The following RNLS variants were observed in gnomAD, a reference collection of about 807,000 sequenced individuals.
RNLS encodes renalase, FAD dependent amine oxidase.
A neutral mutation model predicts 39.8 loss-of-function variants in RNLS; 39 were observed. The observed-to-expected ratio is 0.98, with a 90% CI of 0.76 to 1.28. RNLS has a LOEUF of 1.28. Among genes scored for constraint, RNLS ranks in the 50% most tolerant of loss-of-function variants. The probability of loss-of-function intolerance (pLI) is 0.00; values close to 1 mark genes in which losing one functional copy is unlikely to be tolerated. For missense variants in RNLS, 410 were observed against 413.3 expected, an observed-to-expected ratio of 0.99 and a Z score of 0.07; for synonymous variants, 147 against 150.7, an observed-to-expected ratio of 0.98 and a Z score of 0.18.
intron 4 of RNLS, among the ~76,000 whole-genome samples, chr10:88,387,475 G>A (rs1169912016): frequency 1.7e-5 from 2 of 116,178 alleles, no homozygotes; most frequent in Non-Finnish European, 1.7e-5. Context: ...GAAGAAGCAC[G>A]CAAGAAGAAA....
chr10:88,347,918 GAA>G (rs1848416885), intron 5 of RNLS, among the ~76,000 whole-genome samples: 1 of 152,032 alleles, frequency 6.6e-6, no homozygotes, highest in African/African-American at 2.4e-5. Context: ...CTCCCCAGAA[GAA>G]AGAATAATCC....
chr10:88,574,537 C>T (rs956292181), intron 3 of RNLS, among the ~76,000 whole-genome samples: 2 of 152,192 alleles, frequency 1.3e-5, no homozygotes, highest in African/African-American at 2.4e-5. Flanking sequence ...TGTAATAATA[C>T]TCAAGGCTCC....
chr10:88,325,566 G>A (rs564457201), intron 5 of RNLS, among the ~76,000 whole-genome samples: 35 of 152,150 alleles, frequency 2.3e-4, no homozygotes, highest in Non-Finnish European at 4.3e-4. Flanking sequence ...CATTTGTTTT[G>A]AAGTAAGCAC....
intron 4 of RNLS, among the ~76,000 whole-genome samples, chr10:88,570,264 G>T (rs1849748601): frequency 6.6e-6 from 1 of 152,106 alleles, no homozygotes; most frequent in South Asian, 2.1e-4. Flanking sequence ...TGTCAATATA[G>T]AGTTTTTCTT....
chr10:88,401,595 C>T (rs763095890), intron 4 of RNLS, among the ~76,000 whole-genome samples: 1 of 151,946 alleles, frequency 6.6e-6, no homozygotes, highest in Admixed American at 6.6e-5. Context: ...AGTTTTATGG[C>T]TAAGGACTTG....
chr10:88,323,545 AG>A (rs1348744525), intron 5 of RNLS, among the ~76,000 whole-genome samples: 1 of 152,208 alleles, frequency 6.6e-6, no homozygotes, highest in Non-Finnish European at 1.5e-5. Context: ...AAAACTGGCT[AG>A]GGATACGCAG....
At chr10:88,370,386 G>A (rs945833189) in intron 4 of RNLS, among the ~76,000 whole-genome samples, 2 of 152,034 alleles carry the variant, frequency 1.3e-5, no homozygotes, top group Admixed American at 1.3e-4. Context: ...TGCTCACATT[G>A]ATACTTGGTG....
At chr10:88,437,754 C>CA (rs1383285154) in intron 4 of RNLS, among the ~76,000 whole-genome samples, 1 of 152,140 alleles carries the variant, frequency 6.6e-6, no homozygotes, top group East Asian at 1.9e-4. Flanking sequence ...TGAATGCCCC[C>CA]AAGGTCCAAT....
chr10:88,279,075 C>T (rs1022823236), intron 6 of RNLS, among the ~76,000 whole-genome samples: 1 of 152,130 alleles, frequency 6.6e-6, no homozygotes, highest in African/African-American at 2.4e-5. Context: ...GAGGCTAGAT[C>T]GGCTGGGGGA....
intron 4 of RNLS, among the ~76,000 whole-genome samples, chr10:88,394,883 G>GAATCTACA: frequency 6.6e-6 from 1 of 152,166 alleles, no homozygotes; most frequent in Non-Finnish European, 1.5e-5. Context: ...ATGAGTTCAT[G>GAATCTACA]TCCTTTGTAG....
chr10:88,382,090 G>T (rs1851552522), intron 4 of RNLS, among the ~76,000 whole-genome samples: 1 of 152,034 alleles, frequency 6.6e-6, no homozygotes, highest in African/African-American at 2.4e-5. Context: ...TTGCTTTGCA[G>T]TGCTGCTGGG....
chr10:88,497,162 G>C (rs1316096859), intron 4 of RNLS, among the ~76,000 whole-genome samples: 6 of 152,002 alleles, frequency 3.9e-5, no homozygotes, highest in Non-Finnish European at 8.8e-5. Flanking sequence ...AGTTGTTTTG[G>C]AAGACAAACG....
chr10:88,557,590 A>T (rs766196549), intron 4 of RNLS, among the ~76,000 whole-genome samples: 7 of 152,184 alleles, frequency 4.6e-5, no homozygotes, highest in Non-Finnish European at 8.8e-5. Flanking sequence ...TATCCAGTGA[A>T]GAATGCCAGT....
the RNLS span, among the ~76,000 whole-genome samples, chr10:88,233,282 G>T: frequency 1.3e-5 from 2 of 152,214 alleles, no homozygotes; most frequent in African/African-American, 2.4e-5. Flanking sequence ...TCCCCAGCTG[G>T]TTAAGGGGGA....
intron 6 of RNLS, 30 bp downstream of exon 6, chr10:88,314,436 T>C: frequency 6.2e-7 from 1 of 1,608,036 alleles, no homozygotes. Context: ...AGAAAATTGT[T>C]GTGCTTAGAC....
chr10:88,509,187 T>A (rs1018589923), intron 4 of RNLS, among the ~76,000 whole-genome samples: 1 of 152,138 alleles, frequency 6.6e-6, no homozygotes, highest in African/African-American at 2.4e-5. Context: ...GATGGACTCA[T>A]CACTTTTTAA....
At chr10:88,538,714 G>A (rs1226908712) in intron 4 of RNLS, among the ~76,000 whole-genome samples, 3 of 152,058 alleles carry the variant, frequency 2.0e-5, no homozygotes, top group Non-Finnish European at 2.9e-5. Context: ...TTTAGGAGAT[G>A]GTTTTAGACC....
chr10:88,528,848 G>A (rs1163572436), intron 4 of RNLS, among the ~76,000 whole-genome samples: 83 of 123,040 alleles, frequency 6.7e-4, no homozygotes, highest in African/African-American at 2.2e-3. Flanking sequence ...GCAAGACTCC[G>A]TCTCAAAAAA....
intron 4 of RNLS, among the ~76,000 whole-genome samples, chr10:88,409,063 C>T (rs541442993): frequency 1.3e-5 from 2 of 152,172 alleles, no homozygotes; most frequent in South Asian, 4.1e-4. Flanking sequence ...AAATTATTTA[C>T]TGTTTAAAAT....
Sources: gnomAD v4.1 joint callset for allele counts (sites outside exome capture counted in the v4.1 genomes callset) on GRCh38, gnomAD v4.1.1 for gene constraint, MANE v1.5 for transcripts, NCBI Gene and HGNC (gene_info 2026-07-23, HGNC 2026-07-21) for gene names.